The following DUOX1 variants were observed in gnomAD, a reference collection of about 807,000 sequenced individuals.
The protein encoded by DUOX1 is dual oxidase 1, also known as NADPH thyroid oxidase 1.
A neutral mutation model predicts 181.8 loss-of-function variants in DUOX1; 134 were observed. That is an observed-to-expected ratio of 0.74 (90% CI 0.64 to 0.85). The LOEUF is 0.85. Ranked by LOEUF, DUOX1 falls within the 40% of genes least tolerant of loss-of-function variation. The pLI, the probability that DUOX1 is intolerant of heterozygous loss-of-function variation, is 0.00. For synonymous variants in DUOX1, 798 were observed against 832.5 expected (o/e 0.96, Z 0.71); for missense variants, 1,814 against 2,064.4 (o/e 0.88, Z 2.35).
At position 45,143,170 on chromosome 15, in the gene DUOX1, C is replaced by T. The variant is rs56081827; in HGVS notation, c.1823-20C>T. 5.2e-4 allele frequency: 828 copies of T among 1,606,962 alleles called. 1 individual carries two copies. Among genetic ancestry groups the T allele is most frequent in the Non-Finnish European group, 6.3e-4 (737 of 1,173,962 alleles). On this transcript the variant is annotated intron_variant, in intron 15 of 33. Transcript: ENST00000389037. ...CCTAGACCCCCACGTCTCCCTGAAC[C>T]TCTGCCTCTGCCCTCCCAGTGAGCC...
chr15:45,135,060 T>A, intron 4 of DUOX1, 44 bp from the exon 5 acceptor site: 3 of 1,594,676 alleles, frequency 1.9e-6, no homozygotes, highest in Non-Finnish European at 2.6e-6. Flanking sequence ...AGAAGGAAAG[T>A]GGCCCTCTGC....
rs1897153464 is a variant in DUOX1 at position 45,163,431 on chromosome 15, C to T, written c.4249-101C>T. On this transcript the variant is annotated intron_variant, in intron 31 of 33. Coordinates refer to ENST00000389037, the MANE Select transcript of DUOX1 (RefSeq NM_175940.3). ...TCCCCAGGCTGTCTAGGGAAGGGCACAAGCTAGCTGTGGTCAGAAGAGTTC... is the reference window on the plus strand; with the variant it reads ...TCCCCAGGCTGTCTAGGGAAGGGCATAAGCTAGCTGTGGTCAGAAGAGTTC... The T allele has an allele frequency of 2.6e-6, 4 of 1,526,172 alleles. No individual in the cohort carries two copies. The African/African-American group carries it at 5.4e-5, about 21-fold the overall frequency. 94.5% of individuals were successfully genotyped at this position (1,526,172 alleles called of 1,614,324 possible). A position where few individuals can be genotyped will look rare whatever the true frequency, so the allele number is the denominator to read the frequency against.
chr15:45,140,582 C>G (rs1896464149), intron 12 of DUOX1: 1 of 260,446 alleles, frequency 3.8e-6, no homozygotes, highest in Non-Finnish European at 7.3e-6. Context: ...TGCCATTCAA[C>G]TTTTGCACAT....
Sources: gnomAD v4.1 joint callset for allele counts on GRCh38, gnomAD v4.1.1 for gene constraint, MANE v1.5 for transcripts, NCBI Gene and HGNC (gene_info 2026-07-23, HGNC 2026-07-21) for gene names.